SLC35F6: variants seen among roughly 807,000 people sequenced by gnomAD.
The protein encoded by SLC35F6 is solute carrier family 35 member F6, also known as ANT2-binding protein.
In SLC35F6, 26 loss-of-function variants were observed where a neutral mutation model predicts 29.4. The ratio of observed to expected loss-of-function variants is 0.89; its 90% CI spans 0.65 to 1.23. SLC35F6 has a LOEUF of 1.23. Among genes scored for constraint, SLC35F6 ranks in the 50% most tolerant of loss-of-function variants. The pLI is 0.00. For missense variants in SLC35F6, 428 were observed against 487.8 expected (o/e 0.88, Z 1.15); for synonymous variants, 174 against 206.6 (o/e 0.84, Z 1.35).
Position 26,775,272 on chromosome 2 carries a change from A to G in SLC35F6, c.322+57A>G, listed in dbSNP as rs1340822206. 3 of 1,575,570 alleles carry G rather than the reference A, an allele frequency of 1.9e-6. No homozygotes were observed. Among genetic ancestry groups the G allele is most frequent in the Non-Finnish European group, 2.6e-6 (3 of 1,159,928 alleles). On this transcript the variant is annotated intron_variant, in intron 3 of 5. Coordinates refer to ENST00000344420, the MANE Select transcript of SLC35F6 (RefSeq NM_017877.4). This position sits in a 1 kb window ranked among gnomAD's most constrained non-coding sequence, Gnocchi z 4.6. ...AGGGGAAGCTGTGGCTGAAGGGGCT[A>G]CTGGTGAAACAGCCCTATCCCACCC...
At chr2:26,765,665 A>T (rs909928637) in intron 1 of SLC35F6, among the ~76,000 whole-genome samples, 15 of 152,204 alleles carry the variant, frequency 9.9e-5, no homozygotes, top group Non-Finnish European at 8.8e-5. Context: ...CCCTTCCCCA[A>T]ACGGTGGGCA....
Sources: gnomAD v4.1 joint callset for allele counts (sites outside exome capture counted in the v4.1 genomes callset) on GRCh38, gnomAD v4.1.1 for gene constraint, Gnocchi (gnomAD v3.1) non-coding constraint, MANE v1.5 for transcripts, NCBI Gene and HGNC (gene_info 2026-07-23, HGNC 2026-07-21) for gene names.